Variants in SLC6A11 observed in about 807,000 individuals in gnomAD.
SLC6A11 encodes the protein solute carrier family 6 member 11, also known as sodium- and chloride-dependent GABA transporter 3.
A neutral mutation model predicts 74.8 loss-of-function variants in SLC6A11; 25 were observed. The ratio of observed to expected loss-of-function variants is 0.33; its 90% CI spans 0.24 to 0.47. The LOEUF (loss-of-function observed/expected upper bound fraction) is 0.47, where lower values mean the gene tolerates loss of function less well. SLC6A11 is among the 20% of genes least tolerant of loss of function. The pLI is 1.00. For missense variants in SLC6A11, 574 were observed against 837.0 expected, an observed-to-expected ratio of 0.69 and a Z score of 3.88; for synonymous variants, 330 against 330.2, an observed-to-expected ratio of 1.00 and a Z score of 0.01.
Position 10,929,297 on chromosome 3 carries a change from G to A in SLC6A11, c.1329G>A (p.Leu443=), listed in dbSNP as rs765403813. 6.2e-7 allele frequency: 1 copy of A among 1,614,000 alleles called. No homozygotes were observed. The highest frequency in any genetic ancestry group is 8.5e-7 in the Non-Finnish European group (1 of 1,180,018). ...GYRRELLILA[L]SVISYFLGLV... The stretch of plus-strand genomic sequence containing the variant: ...GGCGGGAGCTGCTCATCCTAGCCTT[G>A]TCTGTTATCTCCTATTTTCTGGGCC... Residue 443 remains leucine (L), a synonymous_variant, in exon 10 of 14, where the codon TTG becomes TTA. Coordinates refer to ENST00000254488, the MANE Select transcript of SLC6A11 (RefSeq NM_014229.3).
rs572322884 is a variant in SLC6A11 at position 10,900,917 on chromosome 3, C to T, written c.892-11173C>T. ...CCAGGACTAGGTAGGACTGCTGGCC[C>T]AGGGTCATTTAGAAACAAGTGGGGG... On this transcript the variant is annotated intron_variant, in intron 6 of 13. Transcript: ENST00000254488. Among the ~76,000 whole-genome samples, 12 of 152,122 alleles carry T rather than the reference C, an allele frequency of 7.9e-5. No homozygotes were observed. The South Asian group carries it at 2.1e-3, about 26-fold the overall frequency.
At chr3:10,886,376 A>G (rs1481127058) in intron 6 of SLC6A11, among the ~76,000 whole-genome samples, 2 of 152,172 alleles carry the variant, frequency 1.3e-5, no homozygotes, top group African/African-American at 4.8e-5. Context: ...AGCCTTGGGC[A>G]TTCCAGGATC....
chr3:10,826,254 A>G (rs538470182), intron 4 of SLC6A11, among the ~76,000 whole-genome samples: 2 of 152,368 alleles, frequency 1.3e-5, no homozygotes, highest in Non-Finnish European at 2.9e-5. Flanking sequence ...TACCTACCCC[A>G]GGCCTACTGA....
chr3:10,938,446 G>C lies in SLC6A11; in HGVS notation c.*44G>C. 6.5e-7 allele frequency: 1 copy of C among 1,542,208 alleles called. No individual in the cohort carries two copies. Among genetic ancestry groups the C allele is most frequent in the Non-Finnish European group, 8.8e-7 (1 of 1,136,024 alleles). ...GGGCTCTTCTTCCTTTCTTCCCCCC[G>C]TGTATGTAAATGAATTCCTGAACCC... On this transcript the variant is annotated 3_prime_UTR_variant, in exon 14 of 14. Transcript: ENST00000254488.
chr3:10,862,465 G>C (rs1043085872), intron 5 of SLC6A11, among the ~76,000 whole-genome samples: 3 of 152,160 alleles, frequency 2.0e-5, no homozygotes, highest in African/African-American at 7.2e-5. Context: ...GTGAATTTTG[G>C]ATATCCTGTG....
In SLC6A11 at chr3:10,915,274, G is replaced by A. The variant is rs950492296; in HGVS notation, c.996-3055G>A. ...GGCAGCTTCATTCCCCACTGAGTGC[G>A]TGGAGGATGTATGCTGTCAGCCATG... is the stretch of plus-strand genomic sequence containing the variant. On this transcript the variant is annotated intron_variant, in intron 7 of 13. Transcript: ENST00000254488. The surrounding 1 kb of genome is among the most constrained non-coding windows in gnomAD (Gnocchi z 4.3). Among the ~76,000 whole-genome samples, 25 of 152,292 alleles carry A rather than the reference G, an allele frequency of 1.6e-4. No individual in the cohort carries two copies. Among genetic ancestry groups the A allele is most frequent in the Admixed American group, 1.0e-3 (16 of 15,306 alleles).
intron 5 of SLC6A11, among the ~76,000 whole-genome samples, chr3:10,872,963 A>G (rs1467969808): frequency 6.6e-6 from 1 of 152,194 alleles, no homozygotes; most frequent in Non-Finnish European, 1.5e-5. Context: ...TGCTGATCTG[A>G]ACAGACGGAG....
At chr3:10,929,446 G>A in intron 10 of SLC6A11, 107 bp downstream of exon 10, 1 of 1,219,072 alleles carries the variant, frequency 8.2e-7, no homozygotes, top group African/African-American at 1.5e-5. Context: ...AGTGCCCTCT[G>A]CCACTCGGTT....
At chr3:10,909,916 T>A (rs946516498) in intron 6 of SLC6A11, among the ~76,000 whole-genome samples, 13 of 152,230 alleles carry the variant, frequency 8.5e-5, no homozygotes, top group Non-Finnish European at 4.4e-5. Flanking sequence ...CTTAAGCTTC[T>A]ACCATTTCCA....
At position 10,926,372 on chromosome 3, in the gene SLC6A11, T is replaced by C. The variant is rs1695607391; in HGVS notation, c.1233+256T>C. Among the ~76,000 whole-genome samples, 1 of 152,200 alleles carries C rather than the reference T, an allele frequency of 6.6e-6. No homozygotes were observed. Among genetic ancestry groups the C allele is most frequent in the South Asian group, 2.1e-4 (1 of 4,828 alleles). On this transcript the variant is annotated intron_variant, in intron 9 of 13. Transcript: ENST00000254488. This position sits in a 1 kb window ranked among gnomAD's most constrained non-coding sequence, Gnocchi z 5.7. ...CTCTAAGCCTTCCCAAACACTGTTTTCCTTACCGGAATTCCCAACTCTCAA... is the reference window on the plus strand; with the variant it reads ...CTCTAAGCCTTCCCAAACACTGTTTCCCTTACCGGAATTCCCAACTCTCAA...
intron 10 of SLC6A11, among the ~76,000 whole-genome samples, chr3:10,931,567 CTG>C (rs1208981317): frequency 1.3e-5 from 2 of 152,220 alleles, no homozygotes; most frequent in African/African-American, 4.8e-5. Flanking sequence ...TTCACCCTCA[CTG>C]TGTTTTTTAA....
intron 6 of SLC6A11, among the ~76,000 whole-genome samples, chr3:10,887,657 G>T (rs1261544815): frequency 2.0e-5 from 3 of 152,126 alleles, no homozygotes; most frequent in Non-Finnish European, 4.4e-5. Flanking sequence ...TGTTGGCCAG[G>T]CTTGTCTCAA....
rs140421787 is a variant in SLC6A11 at position 10,905,430 on chromosome 3, A to G, written c.892-6660A>G. On this transcript the variant is annotated intron_variant, in intron 6 of 13. Transcript: ENST00000254488. Reference sequence around the variant, plus strand: ...TGAGAGGTGGTGGTGTCATAAAGGAAAAACACTTAATATCACAAATCATTG... The same window carrying G: ...TGAGAGGTGGTGGTGTCATAAAGGAGAAACACTTAATATCACAAATCATTG... Among the ~76,000 whole-genome samples the G allele has an allele frequency of 7.9e-5, 12 of 152,362 alleles. No individual in the cohort carries two copies. In the East Asian group the frequency reaches 2.3e-3, roughly 29 times the overall value.
At chr3:10,921,302 G>A (rs748825919) in intron 8 of SLC6A11, among the ~76,000 whole-genome samples, 1 of 152,178 alleles carries the variant, frequency 6.6e-6, no homozygotes, top group Non-Finnish European at 1.5e-5. Flanking sequence ...ATTTTGTAAT[G>A]ATTGATGTGG....
intron 9 of SLC6A11, among the ~76,000 whole-genome samples, chr3:10,927,181 T>A (rs1257560342): frequency 6.6e-6 from 1 of 152,186 alleles, no homozygotes. Flanking sequence ...AATCACCGGG[T>A]GTTTCTGCTG....
intron 10 of SLC6A11, among the ~76,000 whole-genome samples, chr3:10,931,137 T>G (rs1695680269): frequency 1.3e-5 from 2 of 152,226 alleles, no homozygotes; most frequent in African/African-American, 4.8e-5. Flanking sequence ...TGCAGACAGA[T>G]GACCTGGGTT....
chr3:10,922,317 T>A (rs1426565476), intron 8 of SLC6A11, among the ~76,000 whole-genome samples: 1 of 152,286 alleles, frequency 6.6e-6, no homozygotes, highest in African/African-American at 2.4e-5. Flanking sequence ...TAAGATTAGC[T>A]TCATCAATGC....
intron 4 of SLC6A11, among the ~76,000 whole-genome samples, chr3:10,825,796 C>G (rs1694201153): frequency 6.6e-6 from 1 of 152,084 alleles, no homozygotes; most frequent in Non-Finnish European, 1.5e-5. Context: ...ATCATTCATT[C>G]TTTTCTGATT....
chr3:10,910,427 C>G (rs949259340), intron 6 of SLC6A11, among the ~76,000 whole-genome samples: 1 of 152,004 alleles, frequency 6.6e-6, no homozygotes, highest in Non-Finnish European at 1.5e-5. Context: ...GCCTGCGTGC[C>G]CCCAGAACGA....
Sources: gnomAD v4.1 joint callset for allele counts (sites outside exome capture counted in the v4.1 genomes callset) on GRCh38, gnomAD v4.1.1 for gene constraint, Gnocchi (gnomAD v3.1) non-coding constraint, MANE v1.5 for transcripts, NCBI Gene and HGNC (gene_info 2026-07-23, HGNC 2026-07-21) for gene names.